The following HDAC4 variants were observed in gnomAD, a reference collection of about 807,000 sequenced individuals.
The protein encoded by HDAC4 is histone deacetylase A.
HDAC4 carries 16 observed loss-of-function variants against 135.1 expected under a neutral mutation model. That is an observed-to-expected ratio of 0.12 (90% CI 0.08 to 0.18). The LOEUF (loss-of-function observed/expected upper bound fraction) is 0.18. HDAC4 is among the 10% of genes least tolerant of loss of function. The pLI is 1.00. For synonymous variants in HDAC4, 685 were observed against 653.4 expected (o/e 1.05, Z -0.74); for missense variants, 1,143 against 1,511.8 (o/e 0.76, Z 4.05).
At chr2:239,165,202 A>C (rs1435282330) in intron 5 of HDAC4, among the ~76,000 whole-genome samples, 3 of 152,032 alleles carry the variant, frequency 2.0e-5, no homozygotes, top group African/African-American at 7.2e-5. Context: ...CACCCTGCGC[A>C]ATGCGAGTTT....
intron 1 of HDAC4, among the ~76,000 whole-genome samples, chr2:239,372,362 C>T (rs796551826): frequency 5.2e-4 from 79 of 152,364 alleles, no homozygotes; most frequent in African/African-American, 1.6e-3. Context: ...CCATGCACTC[C>T]CATTTACAAA....
chr2:239,082,321 G>T, intron 20 of HDAC4, 100 bp from the exon 21 acceptor site: 1 of 1,472,248 alleles, frequency 6.8e-7, no homozygotes, highest in Non-Finnish European at 9.5e-7. Context: ...AGTGACAACG[G>T]CTCCTGCTCA....
chr2:239,069,835 C>T (rs2033982329), intron 22 of HDAC4, among the ~76,000 whole-genome samples: 1 of 152,154 alleles, frequency 6.6e-6, no homozygotes, highest in South Asian at 2.1e-4. Flanking sequence ...ACTGCACTTG[C>T]TTAGTGAGAG....
intron 17 of HDAC4, chr2:239,091,064 C>T (rs559572169): frequency 2.6e-5 from 4 of 152,412 alleles, no homozygotes; most frequent in Admixed American, 2.6e-4. Context: ...GCCCGCTGGC[C>T]TTTTCCACTT....
At position 239,352,648 on chromosome 2, in the gene HDAC4, G is replaced by A. The variant is rs752885594; in HGVS notation, c.22+30C>T. 4 of 1,551,220 alleles carry A rather than the reference G, an allele frequency of 2.6e-6. No individual in the cohort carries two copies. Among genetic ancestry groups the A allele is most frequent in the East Asian group, 2.4e-5 (1 of 41,098 alleles). On this transcript the variant is annotated intron_variant, in intron 2 of 26. Transcript: ENST00000543185. The surrounding 1 kb of genome is among the most constrained non-coding windows in gnomAD (Gnocchi z 4.4). ...CTTTGGGCAAAGAAAGCCCCGCTGT[G>A]TGCCCAGAGAAGAAATGACCCGGCC... is the stretch of plus-strand genomic sequence containing the variant.
intron 5 of HDAC4, among the ~76,000 whole-genome samples, chr2:239,171,449 T>G (rs916819056): frequency 6.6e-6 from 1 of 152,136 alleles, no homozygotes; most frequent in Non-Finnish European, 1.5e-5. Context: ...ATACCCACAC[T>G]GAGGCAAAAG....
chr2:239,396,506 A>G (rs559496020), intron 1 of HDAC4, among the ~76,000 whole-genome samples: 87 of 152,312 alleles, frequency 5.7e-4, no homozygotes, highest in African/African-American at 2.1e-3. Flanking sequence ...TCTCCTTCAC[A>G]CTGAATTGAT....
At chr2:239,063,455 C>T (rs1462040244) in intron 24 of HDAC4, among the ~76,000 whole-genome samples, 4 of 152,158 alleles carry the variant, frequency 2.6e-5, no homozygotes, top group African/African-American at 9.7e-5. Flanking sequence ...CCGCCCGCCT[C>T]GGCCTCCCAA....
At chr2:239,286,267 G>A (rs73100761) in intron 2 of HDAC4, among the ~76,000 whole-genome samples, 254 of 152,234 alleles carry the variant, frequency 1.7e-3, no homozygotes, top group African/African-American at 5.8e-3. Context: ...AATAATAAGT[G>A]TAATTGATGC....
At chr2:239,394,723 A>T (rs1696452419) in intron 1 of HDAC4, among the ~76,000 whole-genome samples, 1 of 152,274 alleles carries the variant, frequency 6.6e-6, no homozygotes, top group East Asian at 1.9e-4. Flanking sequence ...GGGCCAGGCC[A>T]GAGGTGGGGC....
intron 4 of HDAC4, among the ~76,000 whole-genome samples, chr2:239,189,070 T>C (rs1575347134): frequency 6.6e-6 from 1 of 152,200 alleles, no homozygotes; most frequent in South Asian, 2.1e-4. Flanking sequence ...TACACAGATA[T>C]AGATAACTTA....
intron 1 of HDAC4, among the ~76,000 whole-genome samples, chr2:239,377,568 G>A (rs540788317): frequency 5.8e-4 from 88 of 152,288 alleles, no homozygotes; most frequent in African/African-American, 2.0e-3. Flanking sequence ...TTCCCCAAAG[G>A]GACCTATGAT....
chr2:239,163,757 G>A (rs2042963170), intron 6 of HDAC4, 46 bp downstream of exon 6: 1 of 1,594,982 alleles, frequency 6.3e-7, no homozygotes, highest in Non-Finnish European at 8.6e-7. Context: ...ACAGTCCTCT[G>A]GGCCCCCAGA....
Position 239,323,773 on chromosome 2 carries a change from G to A in HDAC4, c.22+28905C>T, listed in dbSNP as rs61218340. Among the ~76,000 whole-genome samples, 1,483 of 152,218 alleles carry A rather than the reference G, an allele frequency of 9.7e-3. 29 individuals carry two copies. The highest frequency in any genetic ancestry group is 0.034 in the African/African-American group (1,410 of 41,506). On this transcript the variant is annotated intron_variant, in intron 2 of 26. Coordinates refer to ENST00000543185, the MANE Select transcript of HDAC4 (RefSeq NM_001378414.1). ...AAAGCATCCCCTGTCACGGGGCCCC[G>A]GGGCAGCCAATCACACACACCTGGG...
chr2:239,083,348 G>C (rs2035542705), intron 20 of HDAC4, among the ~76,000 whole-genome samples: 1 of 152,192 alleles, frequency 6.6e-6, no homozygotes. Flanking sequence ...CGGCTCGCAG[G>C]TCCTTGGGTG....
rs1166236717 is a variant in HDAC4 at position 239,279,052 on chromosome 2, C to A, written c.23-42388G>T. Among the ~76,000 whole-genome samples, 3 of 152,246 alleles carry A rather than the reference C, an allele frequency of 2.0e-5. 1 individual carries two copies. Among genetic ancestry groups the A allele is most frequent in the African/African-American group, 7.2e-5 (3 of 41,470 alleles). ...AAGAAAAGTGGGGCTGGTGTGGGGC[C>A]ACACCCTGCCCCAGGCGGGGAAAGT... On this transcript the variant is annotated intron_variant, in intron 2 of 26. Coordinates refer to ENST00000543185, the MANE Select transcript of HDAC4 (RefSeq NM_001378414.1).
intron 16 of HDAC4, among the ~76,000 whole-genome samples, chr2:239,095,355 G>A (rs1191303362): frequency 1.5e-4 from 23 of 152,176 alleles, no homozygotes; most frequent in Non-Finnish European, 8.8e-5. Flanking sequence ...TGGGGAGCAC[G>A]AGGTACCCCT....
intron 22 of HDAC4, among the ~76,000 whole-genome samples, chr2:239,071,501 A>G (rs888935854): frequency 4.6e-5 from 7 of 152,194 alleles, no homozygotes; most frequent in African/African-American, 1.7e-4. Flanking sequence ...CACTCTCACA[A>G]TAAGCAGGTG....
chr2:239,099,604 A>C (rs2037427421), intron 16 of HDAC4, among the ~76,000 whole-genome samples: 1 of 152,186 alleles, frequency 6.6e-6, no homozygotes, highest in Admixed American at 6.5e-5. Flanking sequence ...GCCTTTGTCC[A>C]CCCAGCTCCC....
Sources: gnomAD v4.1 joint callset for allele counts (sites outside exome capture counted in the v4.1 genomes callset) on GRCh38, gnomAD v4.1.1 for gene constraint, Gnocchi (gnomAD v3.1) non-coding constraint, MANE v1.5 for transcripts, NCBI Gene and HGNC (gene_info 2026-07-23, HGNC 2026-07-21) for gene names.